The following GPATCH11 variants were observed in gnomAD, a reference collection of about 807,000 sequenced individuals.
GPATCH11 encodes G patch domain-containing protein 11.
A neutral mutation model predicts 44.8 loss-of-function variants in GPATCH11; 32 were observed. The ratio of observed to expected loss-of-function variants is 0.71; its 90% CI spans 0.54 to 0.96. The LOEUF (loss-of-function observed/expected upper bound fraction) is 0.96, where lower values mean the gene tolerates loss of function less well. Among genes scored for constraint, GPATCH11 ranks in the 40% least tolerant of loss-of-function variants. The probability of loss-of-function intolerance (pLI) is 0.00; values close to 1 mark genes in which losing one functional copy is unlikely to be tolerated. For synonymous variants in GPATCH11, 84 were observed against 94.4 expected (o/e 0.89, Z 0.64); for missense variants, 324 against 303.1 (o/e 1.07, Z -0.51).
intron 7 of GPATCH11, among the ~76,000 whole-genome samples, chr2:37,094,994 C>T (rs1252278790): frequency 1.3e-5 from 2 of 151,676 alleles, no homozygotes; most frequent in African/African-American, 2.4e-5. Flanking sequence ...AAAACACACT[C>T]GTATGCTTAC....
chr2:37,090,566 T>G (rs1673267852), intron 3 of GPATCH11, 115 bp from the exon 4 acceptor site: 1 of 610,962 alleles, frequency 1.6e-6, no homozygotes. Flanking sequence ...ATTTCAATTT[T>G]GAATATCATT....
intron 3 of GPATCH11, among the ~76,000 whole-genome samples, chr2:37,090,243 C>G (rs1673250578): frequency 6.6e-6 from 1 of 152,236 alleles, no homozygotes; most frequent in Non-Finnish European, 1.5e-5. Context: ...GTACCTGTGG[C>G]AGCCATCTGA....
intron 1 of GPATCH11, among the ~76,000 whole-genome samples, chr2:37,085,652 A>AG (rs1440216958): frequency 2.6e-5 from 4 of 152,246 alleles, no homozygotes; most frequent in African/African-American, 4.8e-5. Flanking sequence ...GCAACTGGAT[A>AG]GGGGACAAAG....
Position 37,096,341 on chromosome 2 carries a change from A to G in GPATCH11, c.*78A>G, listed in dbSNP as rs1673584279. The G allele has an allele frequency of 1.1e-6, 1 of 891,394 alleles. No individual in the cohort carries two copies. The highest frequency in any genetic ancestry group is 1.7e-5 in the African/African-American group (1 of 58,150). The allele number at this position is 891,394 out of a possible 1,614,324, so 55.2% of individuals were successfully genotyped here. A position where few individuals can be genotyped will look rare whatever the true frequency, so the allele number is the denominator to read the frequency against. ...AGACAATTTAGCAGTTGGAAATCTC[A>G]AATTTTTTATGCCAGTAAAGAAAGG... On this transcript the variant is annotated 3_prime_UTR_variant, in exon 9 of 9. Coordinates refer to ENST00000674370, the MANE Select transcript of GPATCH11 (RefSeq NM_174931.4).
Position 37,088,031 on chromosome 2 carries a change from G to GA in GPATCH11, c.-13-329dup, listed in dbSNP as rs1055724999. Among the ~76,000 whole-genome samples, 12 of 151,398 alleles carry GA rather than the reference G, an allele frequency of 7.9e-5. 1 individual carries two copies. Among genetic ancestry groups the GA allele is most frequent in the Admixed American group, 2.0e-4 (3 of 15,218 alleles). ...GAAGCTGTTGTAATAGTTCAGGTGA[G>GA]AAAAAAAAAGTGCCTGAACTAAAGC... On this transcript the variant is annotated intron_variant, in intron 1 of 8. Transcript: ENST00000674370.
intron 7 of GPATCH11, among the ~76,000 whole-genome samples, chr2:37,094,884 T>A (rs891250915): frequency 6.8e-6 from 1 of 147,488 alleles, no homozygotes; most frequent in African/African-American, 2.5e-5. Context: ...GAGGTTGCGG[T>A]GAGCCAAGAT....
chr2:37,086,277 G>A (rs1673041845), intron 1 of GPATCH11, among the ~76,000 whole-genome samples: 1 of 152,178 alleles, frequency 6.6e-6, no homozygotes, highest in African/African-American at 2.4e-5. Flanking sequence ...TTTGTTTTAT[G>A]TGTTTTCTGT....
chr2:37,092,483 T>TAC (rs1558397950), intron 6 of GPATCH11, among the ~76,000 whole-genome samples: 9 of 130,836 alleles, frequency 6.9e-5, no homozygotes, highest in Non-Finnish European at 1.2e-4. Flanking sequence ...ATATATAATA[T>TAC]ATATATTATA....
rs1487952844 is a variant in GPATCH11, at chr2:37,096,627, C to A, written c.*364C>A. 1 of 196,078 alleles carries A rather than the reference C, an allele frequency of 5.1e-6. No individual in the cohort carries two copies. Among genetic ancestry groups the A allele is most frequent in the African/African-American group, 2.4e-5 (1 of 41,932 alleles). The allele number at this position is 196,078 out of a possible 1,614,324, so 12.1% of individuals were successfully genotyped here. On this transcript the variant is annotated 3_prime_UTR_variant, in exon 9 of 9. Coordinates refer to ENST00000674370, the MANE Select transcript of GPATCH11 (RefSeq NM_174931.4). ...AATATCCACTTTATCAGTGAATAAA[C>A]TGATACAGAGAAGAAGGTTGACTTT...
Position 37,096,408 on chromosome 2 carries a change from A to G in GPATCH11, c.*145A>G. ...TTTTGTTCTTTTTGTACTTTAGAATATGAATGTTCATTGACTTGAAAAAAA... is the reference window on the plus strand; with the variant it reads ...TTTTGTTCTTTTTGTACTTTAGAATGTGAATGTTCATTGACTTGAAAAAAA... On this transcript the variant is annotated 3_prime_UTR_variant, in exon 9 of 9. Transcript: ENST00000674370. The G allele has an allele frequency of 1.6e-6, 1 of 621,048 alleles. No homozygotes were observed. The highest frequency in any genetic ancestry group is 2.9e-6 in the Non-Finnish European group (1 of 348,584). 38.5% of individuals were successfully genotyped at this position (621,048 alleles called of 1,614,324 possible).
At position 37,097,295 on chromosome 2, in the gene GPATCH11, C is replaced by T. The variant is rs1027665632; in HGVS notation, c.*1032C>T. ...ATTGTTTTCATTGTTTTCTCTTAAACTGAAATCTGCTTCCCTGTAATATTA... is the reference window on the plus strand; with the variant it reads ...ATTGTTTTCATTGTTTTCTCTTAAATTGAAATCTGCTTCCCTGTAATATTA... On this transcript the variant is annotated 3_prime_UTR_variant, in exon 9 of 9. Coordinates refer to ENST00000674370, the MANE Select transcript of GPATCH11 (RefSeq NM_174931.4). 4 of 152,114 alleles carry T rather than the reference C, an allele frequency of 2.6e-5. No individual in the cohort carries two copies. Among genetic ancestry groups the T allele is most frequent in the African/African-American group, 9.7e-5 (4 of 41,416 alleles). The allele number at this position is 152,114 out of a possible 1,614,324, so 9.4% of individuals were successfully genotyped here.
Position 37,089,798 on chromosome 2 carries a change from G to A in GPATCH11, c.218G>A (p.Cys73Tyr). 6.4e-7 allele frequency: 1 copy of A among 1,551,890 alleles called. No homozygotes were observed. The highest frequency in any genetic ancestry group is 8.7e-7 in the Non-Finnish European group (1 of 1,147,034). The change falls in exon 3 of 9, where the codon TGT becomes TAT. Residue 73 changes from cysteine to tyrosine, a missense_variant. By Grantham distance (194) the Cys-to-Tyr change is radical. Transcript: ENST00000674370. ...ATTGGGTTGAAGAATGCACTAGGCTGTGAAAACAAAGGGTTTGCCTTGCTC... is the reference window on the plus strand; with the variant it reads ...ATTGGGTTGAAGAATGCACTAGGCTATGAAAACAAAGGGTTTGCCTTGCTC... The part of the protein sequence containing the change: ...RDIGLKNALG[C>Y]ENKGFALLQK...
chr2:37,084,917 C>T (rs1247838023), intron 1 of GPATCH11, among the ~76,000 whole-genome samples: 11 of 152,178 alleles, frequency 7.2e-5, no homozygotes, highest in Admixed American at 7.2e-4. Context: ...ACGTTAACTC[C>T]GTTCTTCCAT....
intron 6 of GPATCH11, among the ~76,000 whole-genome samples, chr2:37,092,838 T>C (rs989409640): frequency 6.6e-6 from 1 of 152,162 alleles, no homozygotes; most frequent in African/African-American, 2.4e-5. Context: ...GTATCTAATA[T>C]ATGTCTAACT....
chr2:37,090,013 T>C (rs1452997140), intron 3 of GPATCH11, 147 bp downstream of exon 3: 4 of 655,782 alleles, frequency 6.1e-6, no homozygotes, highest in Non-Finnish European at 1.1e-5. Flanking sequence ...ACAAGCCTTA[T>C]GGAGAGCTTT....
chr2:37,088,473 T>C (rs771467486), intron 2 of GPATCH11, 33 bp downstream of exon 2: 4 of 957,308 alleles, frequency 4.2e-6, no homozygotes, highest in Non-Finnish European at 6.5e-6. Context: ...TGCAATGATA[T>C]GTATAAGATG....
chr2:37,088,324 A>T, intron 1 of GPATCH11, 45 bp from the exon 2 acceptor site: 1 of 954,778 alleles, frequency 1.0e-6, no homozygotes, highest in Non-Finnish European at 1.6e-6. Context: ...GTTTATTTCC[A>T]TTCTGATAAA....
Position 37,096,427 on chromosome 2 carries a change from A to C in GPATCH11, c.*164A>C, listed in dbSNP as rs1673588709. On this transcript the variant is annotated 3_prime_UTR_variant, in exon 9 of 9. Transcript: ENST00000674370. Reference sequence around the variant, plus strand: ...TAGAATATGAATGTTCATTGACTTGAAAAAAATAATGCAATGGCATTTCAG... The same window carrying C: ...TAGAATATGAATGTTCATTGACTTGCAAAAAATAATGCAATGGCATTTCAG... 1.7e-6 allele frequency: 1 copy of C among 591,170 alleles called. No homozygotes were observed. Among genetic ancestry groups the C allele is most frequent in the Non-Finnish European group, 3.0e-6 (1 of 332,164 alleles). 36.6% of individuals were successfully genotyped at this position (591,170 alleles called of 1,614,324 possible).
intron 7 of GPATCH11, 55 bp from the exon 8 acceptor site, chr2:37,095,382 G>A: frequency 6.5e-7 from 1 of 1,546,588 alleles, no homozygotes; most frequent in South Asian, 1.2e-5. Context: ...CTAAGAGCCA[G>A]AAAACCAAGG....
Sources: allele counts gnomAD v4.1 joint callset (sites outside exome capture counted in the v4.1 genomes callset), GRCh38; gene constraint gnomAD v4.1.1; transcripts MANE v1.5; gene names NCBI Gene and HGNC (gene_info 2026-07-23, HGNC 2026-07-21).